The following CROCC2 variants were observed in gnomAD, a reference collection of about 807,000 sequenced individuals.
CROCC2 encodes the protein ciliary rootlet coiled-coil protein 2.
A neutral mutation model predicts 177.6 loss-of-function variants in CROCC2; 163 were observed. The observed-to-expected ratio is 0.92, with a 90% confidence interval of 0.81 to 1.05. CROCC2 has a LOEUF of 1.05. CROCC2 is among the 50% of genes least tolerant of loss of function. The pLI, the probability that CROCC2 is intolerant of heterozygous loss-of-function variation, is 0.00. For synonymous variants in CROCC2, 904 were observed against 787.3 expected, an observed-to-expected ratio of 1.15 and a Z score of -2.48; for missense variants, 1,929 against 1,797.8, an observed-to-expected ratio of 1.07 and a Z score of -1.32.
At chr2:240,943,455 G>A (rs376592877) in intron 14 of CROCC2, among the ~76,000 whole-genome samples, 1 of 149,832 alleles carries the variant, frequency 6.7e-6, no homozygotes, top group African/African-American at 2.5e-5. Flanking sequence ...GAAATCTTAG[G>A]CCATGTTCCC....
chr2:240,925,350 C>T (rs1188344143), intron 4 of CROCC2, among the ~76,000 whole-genome samples: 1 of 152,150 alleles, frequency 6.6e-6, no homozygotes. Flanking sequence ...TGTCTGACTC[C>T]CTCTCCGCGT....
intron 2 of CROCC2, among the ~76,000 whole-genome samples, 199 bp downstream of exon 2, chr2:240,919,075 GGGC>G (rs2059340540): frequency 9.4e-5 from 2 of 21,324 alleles, no homozygotes; most frequent in African/African-American, 1.3e-4. Context: ...CCTGGGCCCG[GGGC>G]TGGGCAAGGT....
At chr2:240,962,801 G>A (rs568987214) in intron 20 of CROCC2, among the ~76,000 whole-genome samples, 4 of 152,156 alleles carry the variant, frequency 2.6e-5, no homozygotes, top group Non-Finnish European at 5.9e-5. Context: ...CGCCAGGGCC[G>A]AGCCCCAGCA....
chr2:240,950,072 G>A (rs74000181), intron 17 of CROCC2, among the ~76,000 whole-genome samples: 2,226 of 152,276 alleles, frequency 0.015, 50 homozygotes, highest in African/African-American at 0.05. Flanking sequence ...ACACCCCTCC[G>A]TGGCAGGTGC....
chr2:240,942,320 C>A (rs2059499743), intron 14 of CROCC2, among the ~76,000 whole-genome samples: 1 of 152,174 alleles, frequency 6.6e-6, no homozygotes, highest in East Asian at 1.9e-4. Context: ...CATCTTTTCA[C>A]AAACATTTCA....
At position 240,961,312 on chromosome 2, in the gene CROCC2, T is replaced by G. The variant is rs574202210; in HGVS notation, c.3087+1868T>G. Among the ~76,000 whole-genome samples the G allele has an allele frequency of 2.4e-3, 361 of 152,170 alleles. 4 individuals carry two copies. The highest frequency in any genetic ancestry group is 3.1e-3 in the Non-Finnish European group (213 of 67,998). ...CTTGACACTCAGAGTGGTGTGTGCA[T>G]GCTGAATGCAGACACACAAGCCTCA... On this transcript the variant is annotated intron_variant, in intron 20 of 31. Coordinates refer to ENST00000690015, the MANE Select transcript of CROCC2 (RefSeq NM_001351305.2).
intron 14 of CROCC2, among the ~76,000 whole-genome samples, chr2:240,938,165 C>G (rs60507408): frequency 0.028 from 4,304 of 152,332 alleles, 144 homozygotes; most frequent in East Asian, 0.16. Flanking sequence ...CTTACTGAAT[C>G]AGAAACTCTG....
In CROCC2 at chr2:240,982,075, A is replaced by G. The variant is rs1296843538; in HGVS notation, c.4402-805A>G. 6.6e-6 allele frequency: 1 copy of G among 152,086 alleles called. No homozygotes were observed. Among genetic ancestry groups the G allele is most frequent in the East Asian group, 1.9e-4 (1 of 5,138 alleles). 9.4% of individuals were successfully genotyped at this position (152,086 alleles called of 1,614,324 possible). On this transcript the variant is annotated intron_variant, in intron 27 of 31. Transcript: ENST00000690015. The surrounding 1 kb of genome is among the most constrained non-coding windows in gnomAD (Gnocchi z 4.7). ...GGGGGCGCCAGCGGGGAGGCTGTGC[A>G]CAGAGGGCAGCAGGTGCACGTGATC... is the stretch of plus-strand genomic sequence containing the variant.
Position 240,936,993 on chromosome 2 carries a change from A to T in CROCC2, c.2169+1405A>T, listed in dbSNP as rs112154487. On this transcript the variant is annotated intron_variant, in intron 14 of 31. Transcript: ENST00000690015. ...GCATACATATATTTTTATTTTTCCTAACTAAATACTTAGGACCAAAACTGT... is the reference window on the plus strand; with the variant it reads ...GCATACATATATTTTTATTTTTCCTTACTAAATACTTAGGACCAAAACTGT... Among the ~76,000 whole-genome samples, 875 of 152,276 alleles carry T rather than the reference A, an allele frequency of 5.7e-3. 9 individuals are homozygous for T. Among genetic ancestry groups the T allele is most frequent in the African/African-American group, 0.02 (850 of 41,540 alleles).
chr2:240,914,523 T>C (rs968865677), intron 1 of CROCC2, among the ~76,000 whole-genome samples: 11 of 152,312 alleles, frequency 7.2e-5, no homozygotes, highest in Admixed American at 7.2e-4. Context: ...GGCAGCCCCC[T>C]GCAGCGCTCC....
chr2:240,937,241 A>G (rs1248937993), intron 14 of CROCC2, among the ~76,000 whole-genome samples: 2 of 152,212 alleles, frequency 1.3e-5, no homozygotes, highest in African/African-American at 4.8e-5. Flanking sequence ...GTGATACATC[A>G]CTGAGGATTT....
chr2:240,974,342 G>A (rs1378489763), intron 27 of CROCC2, among the ~76,000 whole-genome samples: 1 of 133,466 alleles, frequency 7.5e-6, no homozygotes, highest in Non-Finnish European at 1.6e-5. Context: ...TTTATTTTTA[G>A]TTTACTTTTT....
At position 240,922,636 on chromosome 2, in the gene CROCC2, C is replaced by G. The variant is rs140408103; in HGVS notation, c.479C>G (p.Ala160Gly). Reference sequence around the variant, plus strand: ...GAGGCCCTTGGCCGTCTGGAGGCTGCCGAGGAGAGGTGAGGCCAGGTGCGG... The same window carrying G: ...GAGGCCCTTGGCCGTCTGGAGGCTGGCGAGGAGAGGTGAGGCCAGGTGCGG... ...LEEALGRLEA[A>G]EERSTGLCQV... Residue 160 changes from alanine to glycine, a missense_variant, in exon 4 of 32, where the codon GCC (alanine) becomes GGC (glycine). By Grantham distance (60) the Ala-to-Gly change is moderately conservative (BLOSUM62 0). Around this residue, in one of 3 missense-constraint regions of CROCC2, gnomAD observed 1,397 missense variants for 1,239.9 expected, o/e 1.13. Coordinates refer to ENST00000690015, the MANE Select transcript of CROCC2 (RefSeq NM_001351305.2). 2 of 653,744 alleles carry G rather than the reference C, an allele frequency of 3.1e-6. No individual in the cohort carries two copies. The highest frequency in any genetic ancestry group is 5.7e-6 in the Non-Finnish European group (2 of 351,458). The allele number at this position is 653,744 out of a possible 1,614,324, so 40.5% of individuals were successfully genotyped here. A position where few individuals can be genotyped will look rare whatever the true frequency, so the allele number is the denominator to read the frequency against.
In CROCC2 at chr2:240,965,383, G is replaced by A. The variant is rs1182884446; in HGVS notation, c.3468G>A (p.Val1156=). 9 of 1,549,266 alleles carry A rather than the reference G, an allele frequency of 5.8e-6. No individual in the cohort carries two copies. The highest frequency in any genetic ancestry group is 7.8e-6 in the Non-Finnish European group (9 of 1,146,890). The change falls in exon 23 of 32, where the codon GTG becomes GTA. Residue 1156 remains valine (V), a splice_region_variant and synonymous_variant. Coordinates refer to ENST00000690015, the MANE Select transcript of CROCC2 (RefSeq NM_001351305.2). ...TCCGTGCGGCCCCACGCTCCCAGGTGAGGACACTGAAGGCCGAGAACCAGA... is the reference window on the plus strand; with the variant it reads ...TCCGTGCGGCCCCACGCTCCCAGGTAAGGACACTGAAGGCCGAGAACCAGA... ...RQELRELHRQ[V]RTLKAENQRR... is the part of the protein sequence containing the mutation.
chr2:240,918,494 C>T lies in CROCC2; in HGVS notation c.79-232C>T, dbSNP rs767492260. On this transcript the variant is annotated intron_variant, in intron 1 of 31. Transcript: ENST00000690015. This position sits in a 1 kb window ranked among gnomAD's most constrained non-coding sequence, Gnocchi z 6.3. ...GCGCAGTACCTGCTCCTGCTGACCT[C>T]GGCTGGGTGTGGTCCTCCTCTCCAG... Among the ~76,000 whole-genome samples, 25 of 152,208 alleles carry T rather than the reference C, an allele frequency of 1.6e-4. 1 individual carries two copies. The highest frequency in any genetic ancestry group is 2.9e-5 in the Non-Finnish European group (2 of 68,032).
At chr2:240,942,239 C>T (rs79378581) in intron 14 of CROCC2, among the ~76,000 whole-genome samples, 4,296 of 152,094 alleles carry the variant, frequency 0.028, 143 homozygotes, top group East Asian at 0.16. Flanking sequence ...TGTTATAAAC[C>T]GTACATTACT....
chr2:240,958,079 G>C lies in CROCC2; in HGVS notation c.2944-1222G>C, dbSNP rs2059604889. On this transcript the variant is annotated intron_variant, in intron 19 of 31. Transcript: ENST00000690015. The surrounding 1 kb of genome is among the most constrained non-coding windows in gnomAD (Gnocchi z 6.7). ...CGGCCTTCCTGGGGAGCTCGTTAAG[G>C]GTTCCTTTGCCACCTCGGCTCAGAA... 1.0e-6 allele frequency: 1 copy of C among 985,406 alleles called. No individual in the cohort carries two copies. The highest frequency in any genetic ancestry group is 1.7e-5 in the African/African-American group (1 of 57,358). 61.0% of individuals were successfully genotyped at this position (985,406 alleles called of 1,614,324 possible). A position where few individuals can be genotyped will look rare whatever the true frequency, so the allele number is the denominator to read the frequency against.
chr2:240,920,095 A>G lies in CROCC2; in HGVS notation c.342A>G (p.Arg114=). ...TGCTGGCCCAGGCCAGCGCCGAGCG[A>G]GATGAGCTGGCCAGCAGGTGCCGTG... ...GDLLAQASAE[R]DELASRCRVV... is the part of the protein sequence containing the mutation. The change falls in exon 3 of 32, where the codon CGA becomes CGG. Residue 114 remains arginine, a synonymous_variant. Coordinates refer to ENST00000690015, the MANE Select transcript of CROCC2 (RefSeq NM_001351305.2). 1.4e-6 allele frequency: 1 copy of G among 709,976 alleles called. No individual in the cohort carries two copies. The highest frequency in any genetic ancestry group is 2.6e-6 in the Non-Finnish European group (1 of 382,208). 44.0% of individuals were successfully genotyped at this position (709,976 alleles called of 1,614,324 possible).
At chr2:240,987,552 A>G (rs2059848714) in intron 28 of CROCC2, among the ~76,000 whole-genome samples, 1 of 152,196 alleles carries the variant, frequency 6.6e-6, no homozygotes. Flanking sequence ...CCCTGTAACA[A>G]ACTTTACCCA....
Sources: gnomAD v4.1 joint callset for allele counts (sites outside exome capture counted in the v4.1 genomes callset) on GRCh38, gnomAD v4.1.1 for gene constraint, gnomAD v4.1.1 regional missense constraint, Gnocchi (gnomAD v3.1) non-coding constraint, MANE v1.5 for transcripts, NCBI Gene and HGNC (gene_info 2026-07-23, HGNC 2026-07-21) for gene names.